The following SLC44A5 variants were observed in gnomAD, a reference collection of about 807,000 sequenced individuals.
The protein encoded by SLC44A5 is solute carrier family 44 member 5.
In SLC44A5, 57 loss-of-function variants were observed where a neutral mutation model predicts 101.8. The ratio of observed to expected loss-of-function variants is 0.56; its 90% CI spans 0.45 to 0.70. The LOEUF is 0.70. Among genes scored for constraint, SLC44A5 ranks in the 30% least tolerant of loss-of-function variants. The pLI, the probability that SLC44A5 is intolerant of heterozygous loss-of-function variation, is 0.00. For missense variants in SLC44A5, 737 were observed against 853.1 expected (o/e 0.86, Z 1.70); for synonymous variants, 281 against 290.9 (o/e 0.97, Z 0.35).
At chr1:75,306,449 A>T (rs1271608464) in intron 4 of SLC44A5, among the ~76,000 whole-genome samples, 1 of 152,090 alleles carries the variant, frequency 6.6e-6, no homozygotes, top group East Asian at 1.9e-4. Flanking sequence ...GATCTTTTTT[A>T]TTTTTTGTAG....
intron 2 of SLC44A5, among the ~76,000 whole-genome samples, chr1:75,482,692 G>A (rs565681042): frequency 6.6e-6 from 1 of 152,200 alleles, no homozygotes; most frequent in South Asian, 2.1e-4. Flanking sequence ...GACTTTAATA[G>A]CAATCTGTTA....
intron 23 of SLC44A5, among the ~76,000 whole-genome samples, chr1:75,211,224 T>C (rs1336595458): frequency 4.6e-5 from 7 of 152,228 alleles, no homozygotes; most frequent in South Asian, 2.1e-4. Context: ...TTCTATGAGT[T>C]TGACATTTTT....
chr1:75,457,219 C>T (rs747475862), intron 2 of SLC44A5, among the ~76,000 whole-genome samples: 1 of 152,068 alleles, frequency 6.6e-6, no homozygotes, highest in African/African-American at 2.4e-5. Flanking sequence ...GAAAGAAAAG[C>T]TTTATCAAGT....
chr1:75,666,670 C>T, the SLC44A5 span, among the ~76,000 whole-genome samples: 2 of 152,162 alleles, frequency 1.3e-5, no homozygotes, highest in East Asian at 1.9e-4. Flanking sequence ...CACTGATGAA[C>T]ATCGATGTGA....
At chr1:75,612,082 G>A (rs1484057455), upstream of SLC44A5, among the ~76,000 whole-genome samples, 1 of 152,090 alleles carries the variant, frequency 6.6e-6, no homozygotes, top group East Asian at 1.9e-4. Context: ...GGGATTCCTA[G>A]AGATGCTATC....
At chr1:75,483,629 A>G (rs1232859159) in intron 2 of SLC44A5, among the ~76,000 whole-genome samples, 1 of 152,202 alleles carries the variant, frequency 6.6e-6, no homozygotes, top group Non-Finnish European at 1.5e-5. Context: ...CAATTTGTTA[A>G]TTTCAACTAC....
chr1:75,484,991 A>G (rs938574475), intron 2 of SLC44A5, among the ~76,000 whole-genome samples: 3 of 152,190 alleles, frequency 2.0e-5, no homozygotes, highest in African/African-American at 7.2e-5. Context: ...CCACAAAACC[A>G]CTTTTTCCTC....
chr1:75,496,383 G>A (rs1191527108), intron 2 of SLC44A5, among the ~76,000 whole-genome samples: 1 of 151,880 alleles, frequency 6.6e-6, no homozygotes, highest in East Asian at 1.9e-4. Context: ...AAATGGTGTT[G>A]GAAAAACTGG....
At position 75,605,832 on chromosome 1, in the gene SLC44A5, C is replaced by T. The variant is rs151278754; in HGVS notation, c.-70+5208G>A. ...TAGGGAAAGCTCCTGCTTCCGGATC[C>T]CTTTTTCAGAAGCAGCTTCCTAGCT... On this transcript the variant is annotated intron_variant, in intron 1 of 23. Transcript: ENST00000370859. Among the ~76,000 whole-genome samples, 874 of 152,090 alleles carry T rather than the reference C, an allele frequency of 5.7e-3. 15 individuals are homozygous for T. The highest frequency in any genetic ancestry group is 0.035 in the Admixed American group (530 of 15,258).
rs552179677 is a variant in SLC44A5, at chr1:75,493,895, C to A, written c.13+47540G>T. Among the ~76,000 whole-genome samples, 5 of 152,280 alleles carry A rather than the reference C, an allele frequency of 3.3e-5. No homozygotes were observed. The East Asian group carries it at 9.7e-4, about 29-fold the overall frequency. ...GACTGAGGAAATTCTCACTTCAAAG[C>A]AGCATCTGCCTGAGGTTCTGGCTTT... On this transcript the variant is annotated intron_variant, in intron 2 of 23. Transcript: ENST00000370859.
At chr1:75,327,724 A>G (rs1656707897) in intron 4 of SLC44A5, among the ~76,000 whole-genome samples, 1 of 152,214 alleles carries the variant, frequency 6.6e-6, no homozygotes, top group Non-Finnish European at 1.5e-5. Context: ...AAATACCAAT[A>G]CCCAGATAAA....
chr1:75,619,511 A>G, the SLC44A5 span, among the ~76,000 whole-genome samples: 2 of 152,116 alleles, frequency 1.3e-5, no homozygotes, highest in Non-Finnish European at 2.9e-5. Flanking sequence ...CAGAAATCCA[A>G]ATTTTCTGGT....
At chr1:75,534,200 T>G (rs1221561107) in intron 2 of SLC44A5, among the ~76,000 whole-genome samples, 1 of 152,172 alleles carries the variant, frequency 6.6e-6, no homozygotes, top group Non-Finnish European at 1.5e-5. Context: ...AAACAGATAT[T>G]TAAAATTTTA....
chr1:75,346,129 T>C (rs1319693664), intron 3 of SLC44A5, among the ~76,000 whole-genome samples: 2 of 152,104 alleles, frequency 1.3e-5, no homozygotes, highest in Non-Finnish European at 2.9e-5. Context: ...CATGGCATGA[T>C]TAATGGAAAT....
intron 2 of SLC44A5, among the ~76,000 whole-genome samples, chr1:75,484,108 C>T (rs1040866952): frequency 1.3e-5 from 2 of 152,264 alleles, no homozygotes; most frequent in Admixed American, 6.5e-5. Flanking sequence ...GTCCCTGGCC[C>T]CTCCAAAATC....
chr1:75,450,165 C>T (rs973154635), intron 2 of SLC44A5, among the ~76,000 whole-genome samples: 6 of 152,164 alleles, frequency 3.9e-5, no homozygotes, highest in Non-Finnish European at 2.9e-5. Flanking sequence ...CTGATAAAAG[C>T]GAGTGAAGCT....
chr1:75,624,911 A>G, the SLC44A5 span, among the ~76,000 whole-genome samples: 1 of 152,020 alleles, frequency 6.6e-6, no homozygotes, highest in Admixed American at 6.6e-5. Context: ...AGGGTCACTA[A>G]AGAACCCTAG....
chr1:75,617,885 ATTAGAATAATGTT>A, the SLC44A5 span, among the ~76,000 whole-genome samples: 1 of 152,242 alleles, frequency 6.6e-6, no homozygotes, highest in African/African-American at 2.4e-5. Flanking sequence ...TATTGCCTAT[ATTAGAATAATGTT>A]TTTCTGTTTA....
chr1:75,638,872 A>C, the SLC44A5 span, among the ~76,000 whole-genome samples: 1 of 152,056 alleles, frequency 6.6e-6, no homozygotes, highest in Non-Finnish European at 1.5e-5. Context: ...TAAACATCAG[A>C]ATGTAGATAT....
Sources: gnomAD v4.1 joint callset for allele counts (sites outside exome capture counted in the v4.1 genomes callset) on GRCh38, gnomAD v4.1.1 for gene constraint, MANE v1.5 for transcripts, NCBI Gene and HGNC (gene_info 2026-07-23, HGNC 2026-07-21) for gene names.